COLGALT1: variants seen among roughly 807,000 people sequenced by gnomAD.
The protein encoded by COLGALT1 is procollagen galactosyltransferase 1.
COLGALT1 carries 43 observed loss-of-function variants against 60.8 expected under a neutral mutation model. The ratio of observed to expected loss-of-function variants is 0.71; its 90% CI spans 0.55 to 0.91. The LOEUF is 0.91. Ranked by LOEUF, COLGALT1 falls within the 40% of genes least tolerant of loss-of-function variation. The probability of loss-of-function intolerance (pLI) is 0.00; values close to 1 mark genes in which losing one functional copy is unlikely to be tolerated. For missense variants in COLGALT1, 845 were observed against 880.0 expected, an observed-to-expected ratio of 0.96 and a Z score of 0.50; for synonymous variants, 369 against 374.2, an observed-to-expected ratio of 0.99 and a Z score of 0.16.
chr19:17,581,994 C>T lies in COLGALT1; in HGVS notation c.*550C>T, dbSNP rs192453665. On this transcript the variant is annotated 3_prime_UTR_variant, in exon 12 of 12. Transcript: ENST00000252599. ...TGGTGTGACGGCTCACTGCAGCCTG[C>T]GCCTCCCAGCGTCCAGCAATTCTTG... 4.3e-3 allele frequency: 657 copies of T among 154,216 alleles called. 1 individual carries two copies. The highest frequency in any genetic ancestry group is 0.011 in the Admixed American group (172 of 16,058). 9.6% of individuals were successfully genotyped at this position (154,216 alleles called of 1,614,324 possible).
chr19:17,580,968 G>A, intron 11 of COLGALT1, 63 bp downstream of exon 11: 1 of 1,575,520 alleles, frequency 6.3e-7, no homozygotes, highest in Non-Finnish European at 8.7e-7. Context: ...GGAGAATGGG[G>A]ATGTGAGACT....
Position 17,577,244 on chromosome 19 carries a change from G to T in COLGALT1, c.999G>T (p.Lys333Asn). 1.2e-6 allele frequency: 2 copies of T among 1,613,352 alleles called. No homozygotes were observed. The highest frequency in any genetic ancestry group is 1.7e-6 in the Non-Finnish European group (2 of 1,179,698). The change falls in exon 7 of 12, where the codon AAG becomes AAT. Residue 333 changes from lysine (K) to asparagine (N), a missense_variant. Physicochemically the swap from Lys to Asn is moderately conservative, Grantham distance 94 (BLOSUM62 0). Coordinates refer to ENST00000252599, the MANE Select transcript of COLGALT1 (RefSeq NM_024656.4). ...EPSRFISAPT[K>N]TPDKMGFDEV... is the part of the protein sequence containing the mutation. ...CCCGCTTCATCTCGGCTCCCACCAA[G>T]ACACCGGACAAGATGGGCTTCGACG...
intron 3 of COLGALT1, among the ~76,000 whole-genome samples, chr19:17,560,931 A>T (rs1478608238): frequency 6.6e-6 from 1 of 151,716 alleles, no homozygotes; most frequent in Non-Finnish European, 1.5e-5. Context: ...GAAGCCAGGC[A>T]TGGTGGCTCA....
In COLGALT1 at chr19:17,560,928, G is replaced by A. The variant is rs532237687; in HGVS notation, c.489+463G>A. Reference sequence around the variant, plus strand: ...TTTATTTTTATTTTTGTGGAAGCCAGGCATGGTGGCTCATGCCTATAATCC... The same window carrying A: ...TTTATTTTTATTTTTGTGGAAGCCAAGCATGGTGGCTCATGCCTATAATCC... On this transcript the variant is annotated intron_variant, in intron 3 of 11. Coordinates refer to ENST00000252599, the MANE Select transcript of COLGALT1 (RefSeq NM_024656.4). 2.0e-4 allele frequency among the ~76,000 whole-genome samples: 30 copies of A among 152,006 alleles called. No individual in the cohort carries two copies. The Middle Eastern group carries it at 0.01, about 52-fold the overall frequency.
intron 3 of COLGALT1, among the ~76,000 whole-genome samples, chr19:17,561,100 G>C (rs900552168): frequency 2.0e-5 from 3 of 151,268 alleles, no homozygotes; most frequent in Admixed American, 6.6e-5. Context: ...GGCTACCTGG[G>C]AGGCTGAGGC....
intron 3 of COLGALT1, among the ~76,000 whole-genome samples, chr19:17,561,387 C>T (rs577235401): frequency 3.3e-5 from 5 of 151,448 alleles, no homozygotes; most frequent in South Asian, 2.1e-4. Context: ...GGCCGTGTCA[C>T]GTCTGTTTTT....
chr19:17,576,924 C>G (rs1288739603), intron 6 of COLGALT1, among the ~76,000 whole-genome samples: 1 of 140,858 alleles, frequency 7.1e-6, no homozygotes, highest in African/African-American at 2.7e-5. Flanking sequence ...CGCGGTGAAG[C>G]TGGGGCCTGG....
Position 17,570,427 on chromosome 19 carries a change from G to A in COLGALT1, c.829+1714G>A, listed in dbSNP as rs551663095. 1.3e-4 allele frequency among the ~76,000 whole-genome samples: 19 copies of A among 151,904 alleles called. No individual in the cohort carries two copies. In the South Asian group the frequency reaches 3.5e-3, roughly 28 times the overall value. On this transcript the variant is annotated intron_variant, in intron 5 of 11. Coordinates refer to ENST00000252599, the MANE Select transcript of COLGALT1 (RefSeq NM_024656.4). ...GCTAATTGAAAAAAAAAATGTTTTT[G>A]TAGAGATGGGGTCTTGCTATGTTGC...
Position 17,555,932 on chromosome 19 carries a change from A to T in COLGALT1, c.219A>T (p.Ala73=), listed in dbSNP as rs2076208076. 7.2e-7 allele frequency: 1 copy of T among 1,394,472 alleles called. No individual in the cohort carries two copies. 86.4% of individuals were successfully genotyped at this position (1,394,472 alleles called of 1,614,324 possible). ...AAHALPTTLG[A]LERLRHPRER... ...ACGCGTTGCCCACCACGCTGGGCGC[A>T]CTCGAGCGGCTGCGGCACCCGCGGG... is the stretch of plus-strand genomic sequence containing the variant. The change falls in exon 1 of 12, where the codon GCA becomes GCT. Residue 73 remains alanine (A), a synonymous_variant. Coordinates refer to ENST00000252599, the MANE Select transcript of COLGALT1 (RefSeq NM_024656.4).
In COLGALT1 at chr19:17,577,345, A is replaced by T. The variant is rs762061148; in HGVS notation, c.1027-16A>T. Reference sequence around the variant, plus strand: ...TTTGCAGGGGCTGATCTGGCTGGGGACTCTCCGGGCTGCAGGTCTTCATGA... The same window carrying T: ...TTTGCAGGGGCTGATCTGGCTGGGGTCTCTCCGGGCTGCAGGTCTTCATGA... On this transcript the variant is annotated splice_polypyrimidine_tract_variant and intron_variant, in intron 7 of 11. Coordinates refer to ENST00000252599, the MANE Select transcript of COLGALT1 (RefSeq NM_024656.4). 13 of 1,603,930 alleles carry T rather than the reference A, an allele frequency of 8.1e-6. No homozygotes were observed. In the African/African-American group the frequency reaches 1.7e-4, roughly 22 times the overall value.
At chr19:17,562,141 GGATTATA>G (rs2076253123) in intron 3 of COLGALT1, among the ~76,000 whole-genome samples, 1 of 152,154 alleles carries the variant, frequency 6.6e-6, no homozygotes, top group Admixed American at 6.6e-5. Flanking sequence ...CAAAGTGCTG[GGATTATA>G]GGTGTGAGCC....
chr19:17,559,465 C>G (rs2076235828), intron 2 of COLGALT1, 44 bp downstream of exon 2: 2 of 1,422,606 alleles, frequency 1.4e-6, no homozygotes, highest in Non-Finnish European at 1.9e-6. Flanking sequence ...GGCTTTGCCT[C>G]TGCTCACACA....
At position 17,568,502 on chromosome 19, in the gene COLGALT1, C is replaced by G. The variant is rs755833630; in HGVS notation, c.625-7C>G. ...CCCTACGCGGAACTCTCGCTCTCTC[C>G]CCACAGGGCTACTACAAGCGCACAC... On this transcript the variant is annotated splice_polypyrimidine_tract_variant and splice_region_variant and intron_variant, in intron 4 of 11. Coordinates refer to ENST00000252599, the MANE Select transcript of COLGALT1 (RefSeq NM_024656.4). 1 of 1,613,308 alleles carries G rather than the reference C, an allele frequency of 6.2e-7. No individual in the cohort carries two copies. Among genetic ancestry groups the G allele is most frequent in the South Asian group, 1.1e-5 (1 of 91,066 alleles).
At chr19:17,580,374 C>CA in intron 10 of COLGALT1, 1 of 438,984 alleles carries the variant, frequency 2.3e-6, no homozygotes, top group Non-Finnish European at 4.2e-6. Context: ...ACTGCCCCCC[C>CA]ATCAGGGCAC....
At chr19:17,567,678 C>G (rs2076287661) in intron 4 of COLGALT1, 138 bp downstream of exon 4, 2 of 942,554 alleles carry the variant, frequency 2.1e-6, no homozygotes, top group African/African-American at 3.3e-5. Flanking sequence ...GTGGCTCACA[C>G]CTGTAACCCC....
chr19:17,569,983 C>T (rs1289076586), intron 5 of COLGALT1, among the ~76,000 whole-genome samples: 6 of 147,002 alleles, frequency 4.1e-5, no homozygotes, highest in African/African-American at 1.5e-4. Flanking sequence ...TAAGCTCCGC[C>T]TCCTGGGTTC....
At chr19:17,577,003 T>TGAGAGGCAGGACTGGGGGCGGGGCGGAGC in intron 6 of COLGALT1, 192 bp from the exon 7 acceptor site, 1 of 587,596 alleles carries the variant, frequency 1.7e-6, no homozygotes, top group Non-Finnish European at 3.0e-6. Context: ...TGGCCAGGGC[T>TGAGAGGCAGGACTGGGGGCGGGGCGGAGC]TTGGGCTGCT....
intron 2 of COLGALT1, 36 bp from the exon 3 acceptor site, chr19:17,560,312 C>T (rs758797514): frequency 3.8e-6 from 6 of 1,563,094 alleles, no homozygotes; most frequent in Admixed American, 1.7e-5. Flanking sequence ...TTTGATAGTG[C>T]CTTGTGATGT....
chr19:17,581,731 C>T lies in COLGALT1; in HGVS notation c.*287C>T. On this transcript the variant is annotated 3_prime_UTR_variant, in exon 12 of 12. Transcript: ENST00000252599. ...TTAAGCACCTGCTGTATGCAAGGTT[C>T]CCATGTTACGGCAGTGAATGAGGCA... 2.1e-6 allele frequency: 1 copy of T among 477,386 alleles called. No homozygotes were observed. Among genetic ancestry groups the T allele is most frequent in the Non-Finnish European group, 3.8e-6 (1 of 263,930 alleles). 29.6% of individuals were successfully genotyped at this position (477,386 alleles called of 1,614,324 possible). A position where few individuals can be genotyped will look rare whatever the true frequency, so the allele number is the denominator to read the frequency against.
Sources: gnomAD v4.1 joint callset for allele counts (sites outside exome capture counted in the v4.1 genomes callset) on GRCh38, gnomAD v4.1.1 for gene constraint, MANE v1.5 for transcripts, NCBI Gene and HGNC (gene_info 2026-07-23, HGNC 2026-07-21) for gene names.